Variants in ESR1 observed in about 807,000 individuals in gnomAD.
ESR1 encodes estrogen receptor.
Under a neutral mutation model 52.7 loss-of-function variants are expected in ESR1, and 12 were observed. That is an observed-to-expected ratio of 0.23 (90% CI 0.15 to 0.37). ESR1 has a LOEUF of 0.37. Among genes scored for constraint, ESR1 ranks in the 10% least tolerant of loss-of-function variants. ESR1 has a pLI of 1.00. For missense variants in ESR1, 584 were observed against 779.7 expected (o/e 0.75, Z 2.99); for synonymous variants, 305 against 316.8 (o/e 0.96, Z 0.39).
chr6:151,684,498 G>C (rs1193173790), intron 1 of ESR1, among the ~76,000 whole-genome samples: 1 of 152,174 alleles, frequency 6.6e-6, no homozygotes, highest in Non-Finnish European at 1.5e-5. Context: ...GACCAATTAG[G>C]ACACCATTGC....
At chr6:151,908,961 A>G (rs1311146552) in intron 3 of ESR1, among the ~76,000 whole-genome samples, 1 of 151,830 alleles carries the variant, frequency 6.6e-6, no homozygotes, top group Non-Finnish European at 1.5e-5. Context: ...AGGGTAACTT[A>G]CTCTGATGGC....
At chr6:151,765,273 A>C (rs1211121639) in intron 2 of ESR1, among the ~76,000 whole-genome samples, 1 of 152,208 alleles carries the variant, frequency 6.6e-6, no homozygotes, top group Non-Finnish European at 1.5e-5. Flanking sequence ...TTTACATTTG[A>C]AAAAAATAGA....
intron 2 of ESR1, among the ~76,000 whole-genome samples, chr6:151,795,222 C>A (rs1776573439): frequency 6.6e-6 from 1 of 152,096 alleles, no homozygotes; most frequent in South Asian, 2.1e-4. Flanking sequence ...TGTGGTGGGT[C>A]ATGCCTGTAA....
At chr6:151,891,444 T>C (rs1006446969) in intron 3 of ESR1, among the ~76,000 whole-genome samples, 1 of 152,264 alleles carries the variant, frequency 6.6e-6, no homozygotes, top group Non-Finnish European at 1.5e-5. Context: ...AATGAATTGC[T>C]ACTTTAAAAT....
intron 2 of ESR1, among the ~76,000 whole-genome samples, chr6:151,734,682 G>T (rs926594914): frequency 3.0e-4 from 45 of 151,988 alleles, no homozygotes; most frequent in Admixed American, 2.4e-3. Context: ...GAGTGCAGTG[G>T]TGCGATCTAG....
chr6:151,792,790 T>A (rs1248660607), intron 2 of ESR1, among the ~76,000 whole-genome samples: 5 of 152,224 alleles, frequency 3.3e-5, no homozygotes, highest in Admixed American at 3.3e-4. Context: ...ACACTTAGTT[T>A]GAAACACAAA....
At chr6:151,685,107 CTTTTTTTTTTTTTTTTTT>C (rs772122906) in intron 1 of ESR1, among the ~76,000 whole-genome samples, 103 of 72,946 alleles carry the variant, frequency 1.4e-3, no homozygotes, top group African/African-American at 3.8e-3. Flanking sequence ...ACACTGGCCT[CTTTTTTTTTTTTTTTTTT>C]TTTTTTTTTT....
At chr6:151,990,029 T>C (rs1250096261) in intron 4 of ESR1, among the ~76,000 whole-genome samples, 1 of 152,156 alleles carries the variant, frequency 6.6e-6, no homozygotes, top group East Asian at 1.9e-4. Flanking sequence ...ATACATTTCA[T>C]GAGTCCTCAG....
chr6:151,803,792 G>A (rs1722239739), upstream of ESR1, among the ~76,000 whole-genome samples: 1 of 152,152 alleles, frequency 6.6e-6, no homozygotes, highest in South Asian at 2.1e-4. Context: ...GGTGTGGAAG[G>A]CAAGGGAAAA....
intron 6 of ESR1, among the ~76,000 whole-genome samples, chr6:152,090,934 CAA>C (rs1179191717): frequency 6.6e-6 from 1 of 152,212 alleles, no homozygotes; most frequent in Non-Finnish European, 1.5e-5. Flanking sequence ...GACAGCACCT[CAA>C]GACTGGTTAA....
At chr6:152,068,469 C>T (rs2048140092) in intron 6 of ESR1, among the ~76,000 whole-genome samples, 1 of 152,080 alleles carries the variant, frequency 6.6e-6, no homozygotes, top group Admixed American at 6.5e-5. Context: ...TGTATGAGCA[C>T]CCACACCCAG....
intron 2 of ESR1, among the ~76,000 whole-genome samples, chr6:151,768,075 G>A (rs932895750): frequency 2.0e-5 from 3 of 152,186 alleles, no homozygotes; most frequent in South Asian, 2.1e-4. Context: ...GCTAAAATTC[G>A]TGAGGGAAAA....
intron 2 of ESR1, among the ~76,000 whole-genome samples, chr6:151,852,532 C>T (rs1250387954): frequency 6.6e-6 from 1 of 151,394 alleles, no homozygotes; most frequent in African/African-American, 2.4e-5. Flanking sequence ...TGGGAGCTTA[C>T]AATTCAGAAA....
chr6:151,740,397 A>G (rs1009303399), intron 2 of ESR1, among the ~76,000 whole-genome samples: 6 of 148,078 alleles, frequency 4.1e-5, no homozygotes, highest in Non-Finnish European at 8.9e-5. Flanking sequence ...CGGCCTCCCA[A>G]AGTGCTGGGA....
chr6:152,069,019 G>C (rs2128981691), intron 6 of ESR1, among the ~76,000 whole-genome samples: 1 of 137,682 alleles, frequency 7.3e-6, no homozygotes, highest in Admixed American at 6.8e-5. Flanking sequence ...GCTGAGAACT[G>C]ATCCTTTGCT....
At chr6:151,847,402 T>C (rs1785325845) in intron 2 of ESR1, among the ~76,000 whole-genome samples, 1 of 151,960 alleles carries the variant, frequency 6.6e-6, no homozygotes, top group Admixed American at 6.6e-5. Flanking sequence ...CCAGCACCTG[T>C]TGTTTCCTGA....
At chr6:151,898,181 C>T (rs144768825) in intron 3 of ESR1, among the ~76,000 whole-genome samples, 2 of 152,078 alleles carry the variant, frequency 1.3e-5, no homozygotes, top group African/African-American at 4.8e-5. Context: ...AGGCAATGAT[C>T]TTTTTGTGAT....
chr6:152,056,208 T>G (rs1486347527), intron 5 of ESR1, among the ~76,000 whole-genome samples: 1 of 152,232 alleles, frequency 6.6e-6, no homozygotes, highest in African/African-American at 2.4e-5. Context: ...TATAAATATT[T>G]ATGGAGTCTC....
chr6:152,118,745 C>T (rs1219055079), intron 6 of ESR1, among the ~76,000 whole-genome samples: 5 of 151,934 alleles, frequency 3.3e-5, no homozygotes, highest in South Asian at 4.2e-4. Context: ...CAAACCTGCA[C>T]GTTCAGTACA....
Sources: allele counts gnomAD v4.1 joint callset (sites outside exome capture counted in the v4.1 genomes callset), GRCh38; gene constraint gnomAD v4.1.1; transcripts MANE v1.5; gene names NCBI Gene and HGNC (gene_info 2026-07-23, HGNC 2026-07-21).